Variants in PLCB2 observed in about 807,000 individuals in gnomAD.
The protein encoded by PLCB2 is 1-phosphatidylinositol 4,5-bisphosphate phosphodiesterase beta-2.
Under a neutral mutation model 141.7 loss-of-function variants are expected in PLCB2, and 115 were observed. The observed-to-expected ratio is 0.81, with a 90% CI of 0.70 to 0.95. The LOEUF (loss-of-function observed/expected upper bound fraction) is 0.95. PLCB2 is among the 40% of genes least tolerant of loss of function. PLCB2 has a pLI of 0.00. For synonymous variants in PLCB2, 603 were observed against 595.6 expected (o/e 1.01, Z -0.18); for missense variants, 1,403 against 1,541.1 (o/e 0.91, Z 1.50).
At chr15:40,298,028 T>TC in intron 11 of PLCB2, 69 bp from the exon 12 acceptor site, 2 of 1,285,882 alleles carry the variant, frequency 1.6e-6, no homozygotes, top group South Asian at 1.2e-5. Flanking sequence ...ATAGCACTTT[T>TC]CCCCCCTGCC....
downstream of PLCB2, among the ~76,000 whole-genome samples, chr15:40,286,388 T>C (rs2039611760): frequency 6.6e-6 from 1 of 152,174 alleles, no homozygotes; most frequent in South Asian, 2.1e-4. Context: ...TCCTCAAGTG[T>C]CACCAGCCCC....
At chr15:40,299,427 C>T in intron 7 of PLCB2, 199 bp from the exon 8 acceptor site, 1 of 524,074 alleles carries the variant, frequency 1.9e-6, no homozygotes, top group South Asian at 2.6e-5. Flanking sequence ...TTTGCTCTGA[C>T]CCTGATTTTG....
rs1409272353 is a variant in PLCB2 at position 40,297,525 on chromosome 15, A to G, written c.1319T>C (p.Phe440Ser). 22 of 1,613,162 alleles carry G rather than the reference A, an allele frequency of 1.4e-5. No homozygotes were observed. Among genetic ancestry groups the G allele is most frequent in the Non-Finnish European group, 1.8e-5 (21 of 1,179,136 alleles). Residue 440 changes from phenylalanine to serine, a missense_variant, in exon 13 of 32, where the codon TTC (phenylalanine) becomes TCC (serine). Phe to Ser is a radical substitution (Grantham distance 155, BLOSUM62 -2). Transcript: ENST00000260402. This position sits in a 1 kb window ranked among gnomAD's most constrained non-coding sequence, Gnocchi z 4.2. The part of the protein sequence containing the change: ...DMLLTEPLEK[F>S]PLKPGVPLPS... ...CCCACAGCGAAGCCCACTCACTGGG[A>G]ACTTTTCCAGGGGCTCTGTGAGCAG... is the stretch of plus-strand genomic sequence containing the variant.
Position 40,295,980 on chromosome 15 carries a change from C to T in PLCB2, c.1696+316G>A, listed in dbSNP as rs541252114. Among the ~76,000 whole-genome samples the T allele has an allele frequency of 1.5e-4, 23 of 152,314 alleles. No individual in the cohort carries two copies. The East Asian group carries it at 3.1e-3, about 20-fold the overall frequency. On this transcript the variant is annotated intron_variant, in intron 16 of 31. Transcript: ENST00000260402. ...CCCTCTCAGGAAGTCTCATGTCCCA[C>T]GGCCAGGGCTTCTGGGCTTGGGCCA... is the stretch of plus-strand genomic sequence containing the variant.
At chr15:40,295,322 A>G (rs753373145) in intron 16 of PLCB2, 37 bp from the exon 17 acceptor site, 1 of 1,431,172 alleles carries the variant, frequency 7.0e-7, no homozygotes, top group Non-Finnish European at 9.9e-7. Flanking sequence ...GAGTTTTATC[A>G]GGCTGTCCCC....
At chr15:40,301,914 GA>G (rs776256633) in intron 7 of PLCB2, 42 bp downstream of exon 7, 30 of 1,570,636 alleles carry the variant, frequency 1.9e-5, no homozygotes, top group Non-Finnish European at 2.6e-5. Flanking sequence ...TTCTGGTGGG[GA>G]CAAGAATGCT....
chr15:40,293,644 G>A lies in PLCB2; in HGVS notation c.2142C>T (p.Pro714=), dbSNP rs567250556. 7.6e-5 allele frequency: 123 copies of A among 1,614,084 alleles called. No homozygotes were observed. The South Asian group carries it at 1.3e-3, about 16-fold the overall frequency. ...EVELFGLPGD[P]KRRYRTKLSP... Reference sequence around the variant, plus strand: ...ACAGCTTAGTTCGATAGCGCCTCTTGGGGTCCCCAGGAAGGCCAAACAGCT... The same window carrying A: ...ACAGCTTAGTTCGATAGCGCCTCTTAGGGTCCCCAGGAAGGCCAAACAGCT... Residue 714 remains proline (P), a synonymous_variant, in exon 20 of 32, where the codon CCC becomes CCT. Transcript: ENST00000260402.
chr15:40,299,000 C>A, intron 8 of PLCB2, 36 bp from the exon 9 acceptor site: 1 of 1,594,606 alleles, frequency 6.3e-7, no homozygotes. Context: ...GTCCATATCC[C>A]TTGGGCCTGG....
chr15:40,284,853 A>AAAAAAAAAT (rs1566864316), downstream of PLCB2, among the ~76,000 whole-genome samples: 1 of 149,664 alleles, frequency 6.7e-6, no homozygotes, highest in African/African-American at 2.5e-5. Context: ...AAAAAAAAAA[A>AAAAAAAAAT]AAAAAAAAAA....
At chr15:40,306,010 A>G (rs1375075038) in intron 1 of PLCB2, among the ~76,000 whole-genome samples, 2 of 152,222 alleles carry the variant, frequency 1.3e-5, no homozygotes, top group African/African-American at 4.8e-5. Flanking sequence ...TGTGATGAAA[A>G]GTGACCACTG....
At chr15:40,303,446 C>T (rs2040629809) in intron 2 of PLCB2, 90 bp from the exon 3 acceptor site, 1 of 878,324 alleles carries the variant, frequency 1.1e-6, no homozygotes, top group East Asian at 2.5e-5. Context: ...GAGAAGGGAG[C>T]TTCCACACCC....
chr15:40,292,292 A>AG lies in PLCB2; in HGVS notation c.2431+46dup, dbSNP rs749616460. 13 of 1,523,784 alleles carry AG rather than the reference A, an allele frequency of 8.5e-6. No individual in the cohort carries two copies. The African/African-American group carries it at 1.8e-4, about 21-fold the overall frequency. The allele number at this position is 1,523,784 out of a possible 1,614,324, so 94.4% of individuals were successfully genotyped here. On this transcript the variant is annotated intron_variant, in intron 22 of 31. Coordinates refer to ENST00000260402, the MANE Select transcript of PLCB2 (RefSeq NM_004573.3). ...CTGGAAGCTGGCTTGATGGGAAGGA[A>AG]GGGGGAACAGACACCCCGAGGCTCC...
intron 31 of PLCB2, 127 bp downstream of exon 31, chr15:40,289,145 G>C (rs916489016): frequency 2.0e-6 from 2 of 1,014,450 alleles, no homozygotes; most frequent in African/African-American, 3.2e-5. Context: ...AAGGGCCTCG[G>C]GACCCCACAG....
rs771769657 is a variant in PLCB2 at position 40,288,801 on chromosome 15, G to T, written c.3472C>A (p.Pro1158Thr). 1 of 1,613,936 alleles carries T rather than the reference G, an allele frequency of 6.2e-7. No individual in the cohort carries two copies. The highest frequency in any genetic ancestry group is 8.5e-7 in the Non-Finnish European group (1 of 1,179,846). Residue 1158 changes from proline (P) to threonine (T), a missense_variant, in exon 32 of 32, where the codon CCT becomes ACT. Pro to Thr is a conservative substitution (Grantham distance 38). Transcript: ENST00000260402. ...TCFPSEAKDKPERACECPPEL... is the reference protein window; with the variant it reads ...TCFPSEAKDKTERACECPPEL... Reference sequence around the variant, plus strand: ...GGGGGGCACTCGCAGGCCCTCTCAGGCTTGTCCTTGGCCTCGGAGGGAAAG... The same window carrying T: ...GGGGGGCACTCGCAGGCCCTCTCAGTCTTGTCCTTGGCCTCGGAGGGAAAG...
chr15:40,295,414 T>A, intron 16 of PLCB2, 129 bp from the exon 17 acceptor site: 1 of 675,102 alleles, frequency 1.5e-6, no homozygotes. Flanking sequence ...CACTGAGACC[T>A]GAGGTTTAGG....
chr15:40,291,829 G>A lies in PLCB2; in HGVS notation c.2602+20C>T, dbSNP rs1190160427. The A allele has an allele frequency of 6.2e-7, 1 of 1,614,050 alleles. No individual in the cohort carries two copies. The highest frequency in any genetic ancestry group is 1.1e-5 in the South Asian group (1 of 91,080). On this transcript the variant is annotated intron_variant, in intron 24 of 31. Coordinates refer to ENST00000260402, the MANE Select transcript of PLCB2 (RefSeq NM_004573.3). The stretch of plus-strand genomic sequence containing the variant: ...AGAGGTGGAGGTGCCCCCAGTAGGT[G>A]TGCGGACCGAAGCTCATACCTGGTG...
downstream of PLCB2, chr15:40,284,535 C>G (rs1281284263): frequency 2.2e-6 from 1 of 455,190 alleles, no homozygotes; most frequent in African/African-American, 2.0e-5. Flanking sequence ...GATCTGGCTG[C>G]AAAAGAAAGA....
rs912018801 is a variant in PLCB2 at position 40,293,497 on chromosome 15, T to C, written c.2226+63A>G. 9 of 1,524,862 alleles carry C rather than the reference T, an allele frequency of 5.9e-6. No individual in the cohort carries two copies. The African/African-American group carries it at 1.1e-4, about 19-fold the overall frequency. 94.5% of individuals were successfully genotyped at this position (1,524,862 alleles called of 1,614,324 possible). On this transcript the variant is annotated intron_variant, in intron 20 of 31. Transcript: ENST00000260402. ...TCAAGGAGCTGCCTTGTTTACTTCC[T>C]CTTGTCTGTAAGTAGAGGCCAAGAA...
At chr15:40,298,487 T>A in intron 10 of PLCB2, 75 bp downstream of exon 10, 2 of 1,605,658 alleles carry the variant, frequency 1.2e-6, no homozygotes, top group Non-Finnish European at 1.7e-6. Flanking sequence ...GCCAGCAGCA[T>A]GTGGGCAACC....
Sources: allele counts gnomAD v4.1 joint callset (sites outside exome capture counted in the v4.1 genomes callset), GRCh38; gene constraint gnomAD v4.1.1; non-coding constraint Gnocchi (gnomAD v3.1); transcripts MANE v1.5; gene names NCBI Gene and HGNC (gene_info 2026-07-23, HGNC 2026-07-21).